PHACTR2: variants seen among roughly 807,000 people sequenced by gnomAD.
PHACTR2 encodes the protein chromosome 6 open reading frame 56.
A neutral mutation model predicts 76.0 loss-of-function variants in PHACTR2; 30 were observed. The observed-to-expected ratio is 0.39, with a 90% CI of 0.30 to 0.54. PHACTR2 has a LOEUF of 0.54. Ranked by LOEUF, PHACTR2 falls within the 20% of genes least tolerant of loss-of-function variation. The pLI is 0.61. For missense variants in PHACTR2, 696 were observed against 781.1 expected (o/e 0.89, Z 1.30); for synonymous variants, 292 against 292.5 (o/e 1.00, Z 0.02).
Position 143,646,776 on chromosome 6 carries a change from A to G in PHACTR2, c.13+38454A>G, listed in dbSNP as rs1177835406. On this transcript the variant is annotated intron_variant, in intron 1 of 11. Coordinates refer to the PHACTR2 transcript ENST00000305766. This position sits in a 1 kb window ranked among gnomAD's most constrained non-coding sequence, Gnocchi z 4.1. ...CACTACTCTCTGAAGAGCCTGAAAA[A>G]GTATGTAAGAAAAGCCTTGTTCTCT... Among the ~76,000 whole-genome samples the G allele has an allele frequency of 6.6e-6, 1 of 152,232 alleles. No homozygotes were observed. Among genetic ancestry groups the G allele is most frequent in the Non-Finnish European group, 1.5e-5 (1 of 68,042 alleles).
rs941229273 is a variant in PHACTR2 at position 143,731,890 on chromosome 6, C to A, written c.215-17095C>A. On this transcript the variant is annotated intron_variant, in intron 2 of 12. Transcript: ENST00000440869. The surrounding 1 kb of genome is among the most constrained non-coding windows in gnomAD (Gnocchi z 4.9). ...AAGATTTAAATAGCATATTCAATTT[C>A]TTTTATAGTTATAGGACCATTCAGG... Among the ~76,000 whole-genome samples, 29 of 152,160 alleles carry A rather than the reference C, an allele frequency of 1.9e-4. No individual in the cohort carries two copies. The highest frequency in any genetic ancestry group is 6.3e-4 in the African/African-American group (26 of 41,438).
In PHACTR2 at chr6:143,700,678, C is replaced by T. The variant is rs749581845; in HGVS notation, c.47-11338C>T. The stretch of plus-strand genomic sequence containing the variant: ...GTTCTGTGCTGACGCACATTCCCAG[C>T]ATGAACAGGGTGATCATTATCCTAT... On this transcript the variant is annotated intron_variant, in intron 1 of 12. Coordinates refer to ENST00000440869, the MANE Select transcript of PHACTR2 (RefSeq NM_001100164.2). The surrounding 1 kb of genome is among the most constrained non-coding windows in gnomAD (Gnocchi z 4.1). Among the ~76,000 whole-genome samples the T allele has an allele frequency of 2.6e-5, 4 of 152,260 alleles. No individual in the cohort carries two copies. The highest frequency in any genetic ancestry group is 5.9e-5 in the Non-Finnish European group (4 of 68,052).
At chr6:143,732,198 A>G (rs1333760195) in intron 2 of PHACTR2, among the ~76,000 whole-genome samples, 1 of 152,260 alleles carries the variant, frequency 6.6e-6, no homozygotes, top group African/African-American at 2.4e-5. Flanking sequence ...AATAGGTTTT[A>G]GTAATATTCA....
At chr6:143,779,126 G>A (rs185819080) in intron 9 of PHACTR2, among the ~76,000 whole-genome samples, 53 of 152,312 alleles carry the variant, frequency 3.5e-4, no homozygotes, top group Middle Eastern at 6.8e-3. Context: ...GCCAAGGGAG[G>A]CAGAAGAAAA....
chr6:143,762,678 A>G (rs1482062021), intron 5 of PHACTR2, among the ~76,000 whole-genome samples: 1 of 152,214 alleles, frequency 6.6e-6, no homozygotes, highest in Non-Finnish European at 1.5e-5. Flanking sequence ...TGTTCAGCCC[A>G]GTGATTTAAG....
rs1775772779 is a variant in PHACTR2 at position 143,793,991 on chromosome 6, G to A, written c.1845+5081G>A. Among the ~76,000 whole-genome samples, 2 of 152,000 alleles carry A rather than the reference G, an allele frequency of 1.3e-5. No homozygotes were observed. On this transcript the variant is annotated intron_variant, in intron 11 of 12. Transcript: ENST00000440869. The surrounding 1 kb of genome is among the most constrained non-coding windows in gnomAD (Gnocchi z 4.4). ...AAATGCAACAATTTAAGATGTTTAT[G>A]TGTAGTATATTGTATATACACAAGT...
rs1203246775 is a variant in PHACTR2, at chr6:143,599,541, A to T, written c.217+62334A>T. Among the ~76,000 whole-genome samples, 1 of 152,212 alleles carries T rather than the reference A, an allele frequency of 6.6e-6. No individual in the cohort carries two copies. The highest frequency in any genetic ancestry group is 1.9e-4 in the East Asian group (1 of 5,192). ...AAGCAATCAATACATGTTTGATAAG[A>T]AGTAACCCAACTTAACAAATGTCGT... On this transcript the variant is annotated intron_variant, in intron 1 of 11. Coordinates refer to the PHACTR2 transcript ENST00000367584. The surrounding 1 kb of genome is among the most constrained non-coding windows in gnomAD (Gnocchi z 4.6).
In PHACTR2 at chr6:143,662,910, T is replaced by C. The variant is rs755639045; in HGVS notation, c.14-49106T>C. ...ACAGTGTCTATTGTTCTCATGTTTATGTCCATGTGTGCTCAATGTTTAGCT... is the reference window on the plus strand; with the variant it reads ...ACAGTGTCTATTGTTCTCATGTTTACGTCCATGTGTGCTCAATGTTTAGCT... On this transcript the variant is annotated intron_variant, in intron 1 of 11. Transcript: ENST00000305766. This position sits in a 1 kb window ranked among gnomAD's most constrained non-coding sequence, Gnocchi z 4.7. 6.6e-6 allele frequency among the ~76,000 whole-genome samples: 1 copy of C among 152,206 alleles called. No individual in the cohort carries two copies. The highest frequency in any genetic ancestry group is 1.5e-5 in the Non-Finnish European group (1 of 68,026).
Position 143,641,226 on chromosome 6 carries a change from C to A in PHACTR2, c.13+32904C>A, listed in dbSNP as rs1472774532. On this transcript the variant is annotated intron_variant, in intron 1 of 11. Transcript: ENST00000305766. The surrounding 1 kb of genome is among the most constrained non-coding windows in gnomAD (Gnocchi z 5.8). ...CATGGCTTAATCATGATTTAAAGGT[C>A]CCACCTCTTAATACTGTGATAATGG... 2.0e-5 allele frequency among the ~76,000 whole-genome samples: 3 copies of A among 152,122 alleles called. No homozygotes were observed. Among genetic ancestry groups the A allele is most frequent in the African/African-American group, 7.2e-5 (3 of 41,410 alleles).
In PHACTR2 at chr6:143,716,565, C is replaced by T. The variant is rs571733445; in HGVS notation, c.214+4382C>T. Among the ~76,000 whole-genome samples the T allele has an allele frequency of 2.0e-5, 3 of 152,324 alleles. No homozygotes were observed. The East Asian group carries it at 5.8e-4, about 29-fold the overall frequency. ...TGTTGCCCAGGTTGGTCTCAAACTC[C>T]CGGGCTCAAGCAATCTGCCCACCTC... On this transcript the variant is annotated intron_variant, in intron 2 of 12. Coordinates refer to ENST00000440869, the MANE Select transcript of PHACTR2 (RefSeq NM_001100164.2).
At chr6:143,604,993 G>GT (rs72329149), upstream of PHACTR2, among the ~76,000 whole-genome samples, 75,773 of 147,576 alleles carry the variant, frequency 0.51, 20,270 homozygotes, top group Middle Eastern at 0.65. Flanking sequence ...TGCTAATAGG[G>GT]TTTTTTTTTT....
Position 143,541,072 on chromosome 6 carries a change from C to T in PHACTR2, c.217+3865C>T, listed in dbSNP as rs1169866143. Among the ~76,000 whole-genome samples the T allele has an allele frequency of 1.3e-5, 2 of 152,212 alleles. No homozygotes were observed. Among genetic ancestry groups the T allele is most frequent in the Non-Finnish European group, 2.9e-5 (2 of 68,038 alleles). On this transcript the variant is annotated intron_variant, in intron 1 of 11. Coordinates refer to the PHACTR2 transcript ENST00000367584. The surrounding 1 kb of genome is among the most constrained non-coding windows in gnomAD (Gnocchi z 5.3). ...TCCTGAGTAGCTGGTGTTATAGGCG[C>T]ATGCCACTGCTCCCAGCCTTGGATT...
intron 1 of PHACTR2, among the ~76,000 whole-genome samples, chr6:143,636,552 C>T (rs1776458516): frequency 6.6e-6 from 1 of 152,108 alleles, no homozygotes; most frequent in African/African-American, 2.4e-5. Context: ...AGTTGGATTC[C>T]AAGAAAAATG....
chr6:143,597,645 A>G lies in PHACTR2; in HGVS notation c.217+60438A>G, dbSNP rs976694358. ...AGGAGATCTGATTCCCCCTTCAAACAATACATGGTTCCATTTGTGTTCTAG... is the reference window on the plus strand; with the variant it reads ...AGGAGATCTGATTCCCCCTTCAAACGATACATGGTTCCATTTGTGTTCTAG... On this transcript the variant is annotated intron_variant, in intron 1 of 11. Coordinates refer to the PHACTR2 transcript ENST00000367584. The surrounding 1 kb of genome is among the most constrained non-coding windows in gnomAD (Gnocchi z 5.7). Among the ~76,000 whole-genome samples, 2 of 152,158 alleles carry G rather than the reference A, an allele frequency of 1.3e-5. No individual in the cohort carries two copies. Among genetic ancestry groups the G allele is most frequent in the African/African-American group, 4.8e-5 (2 of 41,432 alleles).
chr6:143,557,472 G>C lies in PHACTR2; in HGVS notation c.217+20265G>C, dbSNP rs1159693333. 1 of 152,278 alleles carries C rather than the reference G, an allele frequency of 6.6e-6. No homozygotes were observed. The highest frequency in any genetic ancestry group is 2.4e-5 in the African/African-American group (1 of 41,430). The allele number at this position is 152,278 out of a possible 1,614,324, so 9.4% of individuals were successfully genotyped here. ...GGAACTGGAGCTTTGGGTGGGATTG[G>C]GGAAGGAGGGAAGAGAAGGTCTGGA... On this transcript the variant is annotated intron_variant, in intron 1 of 11. Transcript: ENST00000367584. The surrounding 1 kb of genome is among the most constrained non-coding windows in gnomAD (Gnocchi z 5.5).
intron 1 of PHACTR2, among the ~76,000 whole-genome samples, chr6:143,538,683 T>G (rs1198711952): frequency 6.6e-6 from 1 of 152,260 alleles, no homozygotes; most frequent in Non-Finnish European, 1.5e-5. Flanking sequence ...TCCATGCCTC[T>G]GACTCCACTT....
chr6:143,681,818 C>A (rs964094981), intron 1 of PHACTR2, among the ~76,000 whole-genome samples: 1 of 152,222 alleles, frequency 6.6e-6, no homozygotes, highest in Non-Finnish European at 1.5e-5. Context: ...TGTTCCAGCA[C>A]CATTTGTTGA....
intron 1 of PHACTR2, among the ~76,000 whole-genome samples, chr6:143,588,012 C>CCAAAATAAAATAAAATAAAA (rs373597409): frequency 7.3e-6 from 1 of 137,656 alleles, no homozygotes; most frequent in African/African-American, 2.7e-5. Context: ...AACTCTGTCT[C>CCAAAATAAAATAAAATAAAA]TAAAATAAAA....
intron 1 of PHACTR2, among the ~76,000 whole-genome samples, chr6:143,694,866 C>T (rs1249335900): frequency 3.3e-5 from 5 of 152,148 alleles, no homozygotes; most frequent in African/African-American, 1.2e-4. Context: ...CCTATCAATT[C>T]GTAAATCTCA....
Sources: allele counts gnomAD v4.1 joint callset (sites outside exome capture counted in the v4.1 genomes callset), GRCh38; gene constraint gnomAD v4.1.1; non-coding constraint Gnocchi (gnomAD v3.1); transcripts MANE v1.5; gene names NCBI Gene and HGNC (gene_info 2026-07-23, HGNC 2026-07-21).